Variants in MCF2L2 observed in about 807,000 individuals in gnomAD.
MCF2L2 encodes probable guanine nucleotide exchange factor MCF2L2.
MCF2L2 carries 102 observed loss-of-function variants against 150.2 expected under a neutral mutation model. That is an observed-to-expected ratio of 0.68 (90% CI 0.58 to 0.80). MCF2L2 has a LOEUF of 0.80. MCF2L2 is among the 30% of genes least tolerant of loss of function. The pLI, the probability that MCF2L2 is intolerant of heterozygous loss-of-function variation, is 0.00. For missense variants in MCF2L2, 1,256 were observed against 1,372.8 expected, an observed-to-expected ratio of 0.91 and a Z score of 1.34; for synonymous variants, 465 against 491.3, an observed-to-expected ratio of 0.95 and a Z score of 0.71.
chr3:183,336,203 T>C (rs1023930208), intron 5 of MCF2L2, among the ~76,000 whole-genome samples: 1 of 152,060 alleles, frequency 6.6e-6, no homozygotes, highest in East Asian at 1.9e-4. Flanking sequence ...CATAAATATA[T>C]AACATTCTTA....
At chr3:183,240,922 A>C (rs941911331) in intron 15 of MCF2L2, among the ~76,000 whole-genome samples, 8 of 152,240 alleles carry the variant, frequency 5.3e-5, no homozygotes, top group African/African-American at 1.9e-4. Context: ...CCACCCAAAA[A>C]CTATTGTACT....
intron 23 of MCF2L2, 54 bp from the exon 24 acceptor site, chr3:183,206,268 A>T: frequency 1.6e-6 from 2 of 1,256,600 alleles, no homozygotes. Flanking sequence ...TGATTTTAAA[A>T]TAGTCCCTGT....
intron 13 of MCF2L2, among the ~76,000 whole-genome samples, chr3:183,291,113 TCC>T (rs1355529010): frequency 9.5e-4 from 144 of 152,308 alleles, no homozygotes; most frequent in African/African-American, 3.3e-3. Context: ...TCCTTTGGGC[TCC>T]TCCCTCTCTG....
At chr3:183,199,822 T>G (rs943110222) in intron 25 of MCF2L2, among the ~76,000 whole-genome samples, 1 of 129,270 alleles carries the variant, frequency 7.7e-6, no homozygotes, top group Admixed American at 8.9e-5. Flanking sequence ...TTCCCTACCC[T>G]GTGACCAAGT....
intron 1 of MCF2L2, among the ~76,000 whole-genome samples, chr3:183,391,183 T>C (rs990727461): frequency 6.6e-6 from 1 of 152,124 alleles, no homozygotes. Context: ...GAGATGTATA[T>C]AGAGGGTGCT....
At chr3:183,415,967 A>G (rs1715566983) in intron 1 of MCF2L2, among the ~76,000 whole-genome samples, 1 of 152,018 alleles carries the variant, frequency 6.6e-6, no homozygotes, top group Non-Finnish European at 1.5e-5. Context: ...TTTCTTTTAC[A>G]TTAATAAAAA....
In MCF2L2 at chr3:183,332,542, G is replaced by C. The variant is rs566150648; in HGVS notation, c.486+6258C>G. Among the ~76,000 whole-genome samples the C allele has an allele frequency of 2.6e-5, 4 of 152,254 alleles. No individual in the cohort carries two copies. The South Asian group carries it at 8.3e-4, about 32-fold the overall frequency. Reference sequence around the variant, plus strand: ...ATCTGTGTACATATGAGCACACCTAGATCATATGTATCATATGTATAAAAC... The same window carrying C: ...ATCTGTGTACATATGAGCACACCTACATCATATGTATCATATGTATAAAAC... On this transcript the variant is annotated intron_variant, in intron 5 of 29. Transcript: ENST00000328913.
At chr3:183,192,354 G>T (rs1410748622) in intron 27 of MCF2L2, among the ~76,000 whole-genome samples, 1 of 151,980 alleles carries the variant, frequency 6.6e-6, no homozygotes, top group Non-Finnish European at 1.5e-5. Context: ...GGCCAGGCTG[G>T]TCTTAAACTC....
intron 14 of MCF2L2, among the ~76,000 whole-genome samples, chr3:183,288,266 T>C (rs906207847): frequency 5.9e-5 from 9 of 152,170 alleles, no homozygotes; most frequent in African/African-American, 2.2e-4. Flanking sequence ...CCTTATGCTT[T>C]TTTTAAACTT....
intron 5 of MCF2L2, among the ~76,000 whole-genome samples, chr3:183,332,703 AGAT>A (rs1730321213): frequency 6.6e-6 from 1 of 152,232 alleles, no homozygotes; most frequent in Non-Finnish European, 1.5e-5. Flanking sequence ...GGACTCGTGA[AGAT>A]GATGACACGT....
chr3:183,295,849 T>C (rs1728471752), intron 12 of MCF2L2, among the ~76,000 whole-genome samples: 1 of 152,098 alleles, frequency 6.6e-6, no homozygotes, highest in Non-Finnish European at 1.5e-5. Context: ...TCCCAGCTAC[T>C]TGAGAAGCTG....
chr3:183,287,279 T>C lies in MCF2L2; in HGVS notation c.1776+1841A>G, dbSNP rs536305724. 5.3e-4 allele frequency among the ~76,000 whole-genome samples: 81 copies of C among 152,324 alleles called. 1 individual carries two copies. The highest frequency in any genetic ancestry group is 1.9e-3 in the African/African-American group (79 of 41,576). ...CATATGCTTAAAACTCCCGTAGCATTTTTATAGTGTACAGGTCATAAACAT... is the reference window on the plus strand; with the variant it reads ...CATATGCTTAAAACTCCCGTAGCATCTTTATAGTGTACAGGTCATAAACAT... On this transcript the variant is annotated intron_variant, in intron 14 of 29. Coordinates refer to ENST00000328913, the MANE Select transcript of MCF2L2 (RefSeq NM_015078.4).
chr3:183,330,440 T>C (rs1340758145), intron 5 of MCF2L2, among the ~76,000 whole-genome samples: 1 of 150,854 alleles, frequency 6.6e-6, no homozygotes, highest in Non-Finnish European at 1.5e-5. Context: ...TATGACTCTC[T>C]GCAAAAAGGC....
chr3:183,206,307 C>T, intron 23 of MCF2L2, 93 bp from the exon 24 acceptor site: 7 of 928,534 alleles, frequency 7.5e-6, no homozygotes, highest in Non-Finnish European at 8.7e-6. Context: ...CTATCCTTGA[C>T]AGCTCTCTTC....
intron 15 of MCF2L2, among the ~76,000 whole-genome samples, chr3:183,263,141 G>A (rs900236556): frequency 6.6e-6 from 1 of 152,152 alleles, no homozygotes; most frequent in Non-Finnish European, 1.5e-5. Flanking sequence ...AAGAAATGCA[G>A]TTCTCAGTGA....
At chr3:183,203,099 G>A (rs1020078376) in intron 25 of MCF2L2, among the ~76,000 whole-genome samples, 1 of 152,146 alleles carries the variant, frequency 6.6e-6, no homozygotes, top group East Asian at 1.9e-4. Context: ...TGTAATCCCA[G>A]CTACTCGGGA....
At chr3:183,391,651 A>G (rs1197354326) in intron 1 of MCF2L2, among the ~76,000 whole-genome samples, 1 of 152,324 alleles carries the variant, frequency 6.6e-6, no homozygotes, top group Admixed American at 6.5e-5. Context: ...CAAAATGTGG[A>G]TAATTATTGA....
At position 183,256,340 on chromosome 3, in the gene MCF2L2, C is replaced by T. The variant is rs562119885; in HGVS notation, c.1862+20532G>A. ...TGTAAATCTAGAATTACTTTCCTTA[C>T]GGTATGCAATATCTAATTATTATGT... On this transcript the variant is annotated intron_variant, in intron 15 of 29. Coordinates refer to ENST00000328913, the MANE Select transcript of MCF2L2 (RefSeq NM_015078.4). Among the ~76,000 whole-genome samples, 25 of 151,926 alleles carry T rather than the reference C, an allele frequency of 1.6e-4. 1 individual carries two copies. In the South Asian group the frequency reaches 4.4e-3, roughly 27 times the overall value.
At chr3:183,295,907 G>A (rs1477415896) in intron 12 of MCF2L2, among the ~76,000 whole-genome samples, 3 of 152,096 alleles carry the variant, frequency 2.0e-5, no homozygotes, top group South Asian at 2.1e-4. Flanking sequence ...GCACTGAGCC[G>A]AGATCATGCC....
Sources: gnomAD v4.1 joint callset for allele counts (sites outside exome capture counted in the v4.1 genomes callset) on GRCh38, gnomAD v4.1.1 for gene constraint, MANE v1.5 for transcripts, NCBI Gene and HGNC (gene_info 2026-07-23, HGNC 2026-07-21) for gene names.